TMEM38B: variants seen among roughly 807,000 people sequenced by gnomAD.
The protein encoded by TMEM38B is trimeric intracellular cation channel type B.
Under a neutral mutation model 28.7 loss-of-function variants are expected in TMEM38B, and 24 were observed. The observed-to-expected ratio is 0.84, with a 90% CI of 0.61 to 1.18. TMEM38B has a LOEUF of 1.18. TMEM38B is among the 50% of genes most tolerant of loss of function. The pLI is 0.00. For missense variants in TMEM38B, 380 were observed against 350.9 expected (o/e 1.08, Z -0.66); for synonymous variants, 131 against 127.7 (o/e 1.03, Z -0.17).
At chr9:105,703,114 C>T (rs181191636) in intron 1 of TMEM38B, among the ~76,000 whole-genome samples, 86 of 152,280 alleles carry the variant, frequency 5.6e-4, no homozygotes, top group African/African-American at 1.9e-3. Context: ...CTATTGATAG[C>T]GTATTTCAAA....
chr9:105,758,024 C>T (rs1244109054), intron 5 of TMEM38B: 2 of 236,928 alleles, frequency 8.4e-6, no homozygotes, highest in Non-Finnish European at 1.7e-5. Flanking sequence ...TTATCAGAAC[C>T]ACTTTAAAAA....
At chr9:105,759,294 G>T in intron 5 of TMEM38B, 2 of 791,436 alleles carry the variant, frequency 2.5e-6, no homozygotes, top group South Asian at 3.1e-5. Context: ...AATCCAAGAT[G>T]ATCCACAGTC....
chr9:105,696,546 A>T (rs1303340160), intron 1 of TMEM38B, among the ~76,000 whole-genome samples: 1 of 152,218 alleles, frequency 6.6e-6, no homozygotes, highest in Non-Finnish European at 1.5e-5. Context: ...TTTACTTTTT[A>T]AAAAATGAAA....
chr9:105,748,940 C>T (rs941646546), intron 5 of TMEM38B: 3 of 496,010 alleles, frequency 6.0e-6, no homozygotes, highest in Non-Finnish European at 9.4e-6. Context: ...AATTTTATGG[C>T]CACCTCTGTT....
intron 2 of TMEM38B, 23 bp downstream of exon 2, chr9:105,705,776 T>A: frequency 6.3e-7 from 1 of 1,596,260 alleles, no homozygotes; most frequent in Non-Finnish European, 8.5e-7. Flanking sequence ...TATGGTGACC[T>A]ATGTGACATT....
rs1826723113 is a variant in TMEM38B at position 105,776,545 on chromosome 9, A to AT, written c.*2466dup. 1 of 152,108 alleles carries AT rather than the reference A, an allele frequency of 6.6e-6. No homozygotes were observed. Among genetic ancestry groups the AT allele is most frequent in the Admixed American group, 6.6e-5 (1 of 15,258 alleles). The allele number at this position is 152,108 out of a possible 1,614,324, so 9.4% of individuals were successfully genotyped here. A position where few individuals can be genotyped will look rare whatever the true frequency, so the allele number is the denominator to read the frequency against. On this transcript the variant is annotated 3_prime_UTR_variant, in exon 6 of 6. Transcript: ENST00000374692. ...TGATTACAATTGAGTGGAACATCCC[A>AT]TGTTGTAAATGGAATAATGTGTTCA... is the stretch of plus-strand genomic sequence containing the variant.
chr9:105,772,067 TCTTA>T (rs1417700681), intron 5 of TMEM38B, among the ~76,000 whole-genome samples: 2 of 152,188 alleles, frequency 1.3e-5, no homozygotes, highest in Non-Finnish European at 2.9e-5. Flanking sequence ...CCTTTTGGGG[TCTTA>T]CTTTAAGCCT....
chr9:105,750,968 A>G (rs532896892), intron 5 of TMEM38B, among the ~76,000 whole-genome samples: 4 of 152,330 alleles, frequency 2.6e-5, no homozygotes, highest in South Asian at 4.1e-4. Context: ...GTTTATTTCT[A>G]GATTCTCAAT....
At chr9:105,751,635 G>T (rs1018945738) in intron 5 of TMEM38B, among the ~76,000 whole-genome samples, 3 of 152,200 alleles carry the variant, frequency 2.0e-5, no homozygotes, top group East Asian at 1.9e-4. Flanking sequence ...AGACCCACTG[G>T]CTTGGGTTCC....
intron 5 of TMEM38B, among the ~76,000 whole-genome samples, chr9:105,750,430 A>G (rs1837605013): frequency 6.6e-6 from 1 of 151,992 alleles, no homozygotes; most frequent in Non-Finnish European, 1.5e-5. Flanking sequence ...TTGAGACCAG[A>G]CTAGCCAACA....
chr9:105,723,735 T>G (rs1041727734), intron 4 of TMEM38B, among the ~76,000 whole-genome samples: 2 of 152,130 alleles, frequency 1.3e-5, no homozygotes, highest in Non-Finnish European at 2.9e-5. Context: ...CTTGCTGTGT[T>G]GCCCAGGCTG....
chr9:105,771,375 G>C (rs1397177698), intron 5 of TMEM38B, among the ~76,000 whole-genome samples: 1 of 152,148 alleles, frequency 6.6e-6, no homozygotes, highest in Non-Finnish European at 1.5e-5. Context: ...TGTAATTTCT[G>C]ATGCCAGCAA....
At chr9:105,773,741 C>A in intron 5 of TMEM38B, 124 bp from the exon 6 acceptor site, 1 of 826,062 alleles carries the variant, frequency 1.2e-6, no homozygotes, top group Non-Finnish European at 1.9e-6. Context: ...CAGAATCTAG[C>A]TTAGATTGCT....
At chr9:105,739,853 G>A (rs1038193999) in intron 4 of TMEM38B, among the ~76,000 whole-genome samples, 1 of 151,760 alleles carries the variant, frequency 6.6e-6, no homozygotes, top group Non-Finnish European at 1.5e-5. Flanking sequence ...GTATGAACAT[G>A]GGATAGCTTT....
At chr9:105,721,132 T>G (rs983636474) in intron 2 of TMEM38B, among the ~76,000 whole-genome samples, 1 of 152,200 alleles carries the variant, frequency 6.6e-6, no homozygotes, top group Non-Finnish European at 1.5e-5. Context: ...CAAAGGACCC[T>G]TTCTCTAATT....
rs12004867 is a variant in TMEM38B at position 105,709,014 on chromosome 9, A to C, written c.269+3261A>C. 8.9e-3 allele frequency among the ~76,000 whole-genome samples: 1,356 copies of C among 151,550 alleles called. 31 individuals carry two copies. Among genetic ancestry groups the C allele is most frequent in the African/African-American group, 0.03 (1,261 of 41,348 alleles). ...GCTATTTTTTTTTTTTTTACTGTCA[A>C]AGTTATTTATTCACTATACATAGAA... On this transcript the variant is annotated intron_variant, in intron 2 of 5. Transcript: ENST00000374692.
intron 5 of TMEM38B, among the ~76,000 whole-genome samples, chr9:105,771,192 ACTTTTT>A (rs1204759184): frequency 2.6e-5 from 4 of 152,172 alleles, no homozygotes; most frequent in Non-Finnish European, 4.4e-5. Flanking sequence ...TAGGTAATAT[ACTTTTT>A]CTTTTAATAG....
At chr9:105,764,953 A>C (rs1193168116) in intron 5 of TMEM38B, among the ~76,000 whole-genome samples, 1 of 152,226 alleles carries the variant, frequency 6.6e-6, no homozygotes, top group Non-Finnish European at 1.5e-5. Flanking sequence ...CTGATCTTTG[A>C]CAAACCTGAG....
At chr9:105,747,349 C>T (rs1837448831) in intron 4 of TMEM38B, among the ~76,000 whole-genome samples, 1 of 152,146 alleles carries the variant, frequency 6.6e-6, no homozygotes, top group Non-Finnish European at 1.5e-5. Flanking sequence ...TCTAGATTTT[C>T]TAGTTTATTT....
Sources: gnomAD v4.1 joint callset for allele counts (sites outside exome capture counted in the v4.1 genomes callset) on GRCh38, gnomAD v4.1.1 for gene constraint, MANE v1.5 for transcripts, NCBI Gene and HGNC (gene_info 2026-07-23, HGNC 2026-07-21) for gene names.